LRP1B: variants seen among roughly 807,000 people sequenced by gnomAD.
LRP1B encodes the protein low-density lipoprotein receptor-related protein 1B.
In LRP1B, 217 loss-of-function variants were observed where a neutral mutation model predicts 556.6. The ratio of observed to expected loss-of-function variants is 0.39; its 90% CI spans 0.35 to 0.44. LRP1B has a LOEUF of 0.44. Ranked by LOEUF, LRP1B falls within the 20% of genes least tolerant of loss-of-function variation. The probability of loss-of-function intolerance (pLI) is 1.00; values close to 1 mark genes in which losing one functional copy is unlikely to be tolerated. For missense variants in LRP1B, 5,053 were observed against 5,620.8 expected (o/e 0.90, Z 3.23); for synonymous variants, 2,047 against 1,865.8 (o/e 1.10, Z -2.50).
chr2:141,971,116 T>C (rs1701720347), intron 1 of LRP1B, among the ~76,000 whole-genome samples: 2 of 151,488 alleles, frequency 1.3e-5, no homozygotes, highest in South Asian at 4.1e-4. Context: ...CCAAATCCTT[T>C]TGAGCATGGA....
At chr2:140,917,158 T>C (rs1266815878) in intron 21 of LRP1B, among the ~76,000 whole-genome samples, 2 of 152,190 alleles carry the variant, frequency 1.3e-5, no homozygotes, top group African/African-American at 2.4e-5. Flanking sequence ...ACTGTATACC[T>C]ATCAGAATGA....
intron 2 of LRP1B, among the ~76,000 whole-genome samples, chr2:141,740,946 G>T (rs1693676737): frequency 6.6e-6 from 1 of 152,044 alleles, no homozygotes; most frequent in African/African-American, 2.4e-5. Flanking sequence ...TGGTAAACCA[G>T]CCTTCTACTT....
rs139656830 is a variant in LRP1B, at chr2:141,645,222, C to T, written c.206-164689G>A. On this transcript the variant is annotated intron_variant, in intron 2 of 90. Coordinates refer to ENST00000389484, the MANE Select transcript of LRP1B (RefSeq NM_018557.3). ...GAAGACAATAAGATTAGGATAAATT[C>T]TCTCCTTTCAGTGGGAATTTATTGT... 1.4e-4 allele frequency among the ~76,000 whole-genome samples: 22 copies of T among 152,184 alleles called. 1 individual carries two copies. In the East Asian group the frequency reaches 4.3e-3, roughly 29 times the overall value.
At chr2:142,041,682 C>A (rs1704071317) in intron 1 of LRP1B, among the ~76,000 whole-genome samples, 1 of 151,416 alleles carries the variant, frequency 6.6e-6, no homozygotes, top group African/African-American at 2.4e-5. Flanking sequence ...CTAGGATGAA[C>A]TTTTGTTGTA....
intron 1 of LRP1B, among the ~76,000 whole-genome samples, chr2:142,077,044 A>G (rs1445768871): frequency 1.3e-5 from 2 of 152,098 alleles, no homozygotes; most frequent in Non-Finnish European, 2.9e-5. Context: ...ACTCTAAGAT[A>G]ATATATGAAT....
intron 60 of LRP1B, among the ~76,000 whole-genome samples, chr2:140,461,111 G>A (rs1687298716): frequency 6.6e-6 from 1 of 151,462 alleles, no homozygotes; most frequent in African/African-American, 2.4e-5. Flanking sequence ...AAGAAAAGGT[G>A]GCTATCCAGA....
intron 7 of LRP1B, among the ~76,000 whole-genome samples, chr2:141,176,845 G>A (rs988215532): frequency 6.6e-6 from 1 of 151,946 alleles, no homozygotes; most frequent in African/African-American, 2.4e-5. Context: ...TAAAATAGAG[G>A]CCTTTGAGAT....
At chr2:141,994,528 G>A (rs770951555) in intron 1 of LRP1B, among the ~76,000 whole-genome samples, 10 of 152,024 alleles carry the variant, frequency 6.6e-5, no homozygotes, top group Non-Finnish European at 1.3e-4. Context: ...TACTGTGTGA[G>A]TATACATGTG....
At chr2:141,097,330 A>G (rs1447334145) in intron 7 of LRP1B, among the ~76,000 whole-genome samples, 1 of 152,182 alleles carries the variant, frequency 6.6e-6, no homozygotes, top group Non-Finnish European at 1.5e-5. Context: ...AAATGCTGAA[A>G]CTTTTGAAGT....
intron 7 of LRP1B, among the ~76,000 whole-genome samples, chr2:141,137,555 C>G (rs1701521287): frequency 6.6e-6 from 1 of 151,822 alleles, no homozygotes; most frequent in Admixed American, 6.6e-5. Flanking sequence ...CTAACCTGAG[C>G]TAGTTAACAT....
chr2:141,015,360 A>G (rs1697871756), intron 13 of LRP1B, among the ~76,000 whole-genome samples: 2 of 152,134 alleles, frequency 1.3e-5, no homozygotes, highest in East Asian at 3.9e-4. Context: ...TCAGCTCAAA[A>G]TATTGAACAT....
intron 17 of LRP1B, among the ~76,000 whole-genome samples, chr2:140,984,800 T>G (rs1696869363): frequency 6.6e-6 from 1 of 152,116 alleles, no homozygotes; most frequent in South Asian, 2.1e-4. Context: ...GTTCTAATCA[T>G]GGAGAAAATT....
intron 15 of LRP1B, among the ~76,000 whole-genome samples, chr2:141,004,517 A>G (rs1434732033): frequency 2.0e-5 from 3 of 152,048 alleles, no homozygotes; most frequent in Non-Finnish European, 4.4e-5. Flanking sequence ...GATGTACACC[A>G]TGGACTCTCA....
intron 29 of LRP1B, 134 bp from the exon 30 acceptor site, chr2:140,841,226 T>A: frequency 1.0e-5 from 6 of 583,030 alleles, no homozygotes; most frequent in Non-Finnish European, 1.2e-5. Context: ...CACAAGATTG[T>A]AATCTCATTC....
At chr2:141,926,170 A>G (rs1700330188) in intron 1 of LRP1B, among the ~76,000 whole-genome samples, 1 of 152,216 alleles carries the variant, frequency 6.6e-6, no homozygotes, top group Non-Finnish European at 1.5e-5. Flanking sequence ...ATACATGAAG[A>G]GTGTTAATAA....
chr2:141,149,590 C>A (rs1282803513), intron 7 of LRP1B, among the ~76,000 whole-genome samples: 1 of 152,096 alleles, frequency 6.6e-6, no homozygotes, highest in African/African-American at 2.4e-5. Context: ...TTATGTCCTC[C>A]TTGAAAATGG....
chr2:141,295,379 G>A (rs540441379), intron 3 of LRP1B, among the ~76,000 whole-genome samples: 44 of 152,006 alleles, frequency 2.9e-4, no homozygotes, highest in Non-Finnish European at 5.4e-4. Context: ...CATTTCATCA[G>A]TTTTCTTTCA....
At chr2:140,449,600 CAT>C (rs1313430387) in intron 63 of LRP1B, among the ~76,000 whole-genome samples, 2 of 152,144 alleles carry the variant, frequency 1.3e-5, no homozygotes, top group African/African-American at 4.8e-5. Flanking sequence ...TGCTTTCAAA[CAT>C]ATGCACTATG....
intron 41 of LRP1B, among the ~76,000 whole-genome samples, chr2:140,693,784 T>C (rs1686328344): frequency 6.6e-6 from 1 of 152,202 alleles, no homozygotes; most frequent in Non-Finnish European, 1.5e-5. Flanking sequence ...CTTGGCTCAC[T>C]GCAACCTCTG....
Sources: gnomAD v4.1 joint callset for allele counts (sites outside exome capture counted in the v4.1 genomes callset) on GRCh38, gnomAD v4.1.1 for gene constraint, MANE v1.5 for transcripts, NCBI Gene and HGNC (gene_info 2026-07-23, HGNC 2026-07-21) for gene names.